Variants in ATXN8OS observed in about 807,000 individuals in gnomAD.
The protein encoded by ATXN8OS is ATXN8 opposite strand (non-protein coding).
chr13:70,110,699 C>T (rs1888188118), intron 1 of ATXN8OS, among the ~76,000 whole-genome samples: 1 of 151,794 alleles, frequency 6.6e-6, no homozygotes, highest in South Asian at 2.1e-4. Context: ...TTGTAAAATA[C>T]TGCACTAATT....
intron 4 of ATXN8OS, among the ~76,000 whole-genome samples, chr13:70,153,186 T>C (rs1593774593): frequency 6.6e-6 from 1 of 152,102 alleles, no homozygotes; most frequent in East Asian, 1.9e-4. Flanking sequence ...TGGAAATTAG[T>C]AGCTAAAGAG....
intron 2 of ATXN8OS, among the ~76,000 whole-genome samples, chr13:70,126,912 CTCTGTA>C (rs1888446091): frequency 6.6e-6 from 1 of 151,412 alleles, no homozygotes; most frequent in African/African-American, 2.4e-5. Context: ...TATCTGTAAC[CTCTGTA>C]TCTGTATATC....
At position 70,162,185 on chromosome 13, in the gene ATXN8OS, C is replaced by T. The variant is rs1057127969; in HGVS notation, n.574-7568C>T. Among the ~76,000 whole-genome samples the T allele has an allele frequency of 5.9e-5, 9 of 152,112 alleles. No individual in the cohort carries two copies. In the South Asian group the frequency reaches 1.5e-3, roughly 25 times the overall value. ...CATACGCTAGCCTGACATTTGAAGA[C>T]GTTGCATTTCTTAGGGTCTTACAGG... On this transcript the variant is annotated intron_variant and non_coding_transcript_variant, in intron 4 of 4. Transcript: ENST00000678624.
chr13:70,157,554 T>A (rs1372477212), intron 4 of ATXN8OS, among the ~76,000 whole-genome samples: 1 of 147,534 alleles, frequency 6.8e-6, no homozygotes. Context: ...TACCAGCAGT[T>A]AAAAAAAAAA....
chr13:70,126,911 C>A (rs716662), intron 2 of ATXN8OS, among the ~76,000 whole-genome samples: 21,691 of 151,288 alleles, frequency 0.14, 2,066 homozygotes, highest in African/African-American at 0.27. Context: ...GTATCTGTAA[C>A]CTCTGTATCT....
chr13:70,111,957 C>T (rs923352017), intron 1 of ATXN8OS, among the ~76,000 whole-genome samples: 5 of 152,148 alleles, frequency 3.3e-5, no homozygotes, highest in Admixed American at 3.3e-4. Flanking sequence ...GCTATAAAGA[C>T]ATTCCTGAGA....
chr13:70,153,116 A>G (rs1234215916), intron 4 of ATXN8OS, among the ~76,000 whole-genome samples: 1 of 152,022 alleles, frequency 6.6e-6, no homozygotes, highest in Non-Finnish European at 1.5e-5. Context: ...AAAGAAAAAA[A>G]GTACATTTTA....
intron 1 of ATXN8OS, among the ~76,000 whole-genome samples, chr13:70,109,069 A>G (rs751085714): frequency 1.3e-5 from 2 of 152,244 alleles, no homozygotes; most frequent in Non-Finnish European, 2.9e-5. Context: ...GAATAAAATG[A>G]TAAAAGAGAA....
At chr13:70,163,840 C>A (rs1889039508) in intron 4 of ATXN8OS, among the ~76,000 whole-genome samples, 1 of 149,708 alleles carries the variant, frequency 6.7e-6, no homozygotes, top group African/African-American at 2.4e-5. Flanking sequence ...TCTTGCAGTC[C>A]ACCACTCTTC....
intron 3 of ATXN8OS, among the ~76,000 whole-genome samples, chr13:70,146,504 G>T (rs1888788770): frequency 6.6e-6 from 1 of 152,130 alleles, no homozygotes; most frequent in Admixed American, 6.5e-5. Context: ...GCAAAGACTT[G>T]AAACCAACCC....
At chr13:70,141,435 A>G (rs1219729697) in intron 3 of ATXN8OS, among the ~76,000 whole-genome samples, 1 of 152,146 alleles carries the variant, frequency 6.6e-6, no homozygotes, top group Non-Finnish European at 1.5e-5. Flanking sequence ...TAACTGCAAA[A>G]TATTTTAATC....
Position 70,144,902 on chromosome 13 carries a change from G to A in ATXN8OS, n.500-2453G>A, listed in dbSNP as rs139156698. On this transcript the variant is annotated intron_variant and non_coding_transcript_variant, in intron 3 of 4. Coordinates refer to ENST00000678624, the Ensembl canonical transcript of ATXN8OS. The stretch of plus-strand genomic sequence containing the variant: ...GTATTGCCTTGTTTTTGGCTAGGTA[G>A]ATTTGTAAAGAAAATTTCTAAGTGT... Among the ~76,000 whole-genome samples the A allele has an allele frequency of 4.1e-3, 631 of 152,170 alleles. 6 individuals carry two copies. The highest frequency in any genetic ancestry group is 0.014 in the African/African-American group (595 of 41,524).
chr13:70,160,805 T>TTATAAATATATATAAATA (rs1555301940), intron 4 of ATXN8OS, among the ~76,000 whole-genome samples: 1,061 of 14,988 alleles, frequency 0.071, 324 homozygotes, highest in African/African-American at 0.1. Flanking sequence ...AATATATTTA[T>TTATAAATATATATAAATA]TATAAATATA....
At chr13:70,118,289 C>T (rs1220147011) in intron 2 of ATXN8OS, among the ~76,000 whole-genome samples, 2 of 151,958 alleles carry the variant, frequency 1.3e-5, no homozygotes, top group Non-Finnish European at 2.9e-5. Context: ...TGACATTTCA[C>T]TAAGTAAATC....
At chr13:70,131,098 C>A in intron 3 of ATXN8OS, 1 of 398,496 alleles carries the variant, frequency 2.5e-6, no homozygotes, top group Non-Finnish European at 4.4e-6. Flanking sequence ...TTCTTCCCTG[C>A]TCTTCCCAAT....
intron 4 of ATXN8OS, among the ~76,000 whole-genome samples, chr13:70,147,870 T>C (rs1032476773): frequency 6.6e-6 from 1 of 152,174 alleles, no homozygotes; most frequent in Non-Finnish European, 1.5e-5. Flanking sequence ...TTATACATTT[T>C]ATGGAGACAG....
At chr13:70,126,520 C>A (rs1204585579) in intron 2 of ATXN8OS, among the ~76,000 whole-genome samples, 1 of 151,752 alleles carries the variant, frequency 6.6e-6, no homozygotes, top group Non-Finnish European at 1.5e-5. Context: ...TATGAGTAAA[C>A]CATATATCTC....
At chr13:70,123,876 T>C (rs955348154) in intron 2 of ATXN8OS, among the ~76,000 whole-genome samples, 2 of 152,108 alleles carry the variant, frequency 1.3e-5, no homozygotes, top group Admixed American at 1.3e-4. Flanking sequence ...ATTGGTGTTA[T>C]TTGTAATTTA....
chr13:70,165,869 A>C (rs1408297699), intron 4 of ATXN8OS, among the ~76,000 whole-genome samples: 1 of 152,062 alleles, frequency 6.6e-6, no homozygotes, highest in Non-Finnish European at 1.5e-5. Flanking sequence ...TAAACAACAA[A>C]ATAATAATAC....
Sources: gnomAD v4.1 joint callset for allele counts (sites outside exome capture counted in the v4.1 genomes callset) on GRCh38, gnomAD v4.1.1 for gene constraint, MANE v1.5 for transcripts, NCBI Gene and HGNC (gene_info 2026-07-23, HGNC 2026-07-21) for gene names.